RARB: variants seen among roughly 807,000 people sequenced by gnomAD.
RARB encodes HBV-activated protein.
A neutral mutation model predicts 51.9 loss-of-function variants in RARB; 17 were observed. The observed-to-expected ratio is 0.33, with a 90% CI of 0.22 to 0.49. The LOEUF (loss-of-function observed/expected upper bound fraction) is 0.49, where lower values mean the gene tolerates loss of function less well. Ranked by LOEUF, RARB falls within the 20% of genes least tolerant of loss-of-function variation. The pLI is 0.99. For missense variants in RARB, 369 were observed against 550.8 expected, an observed-to-expected ratio of 0.67 and a Z score of 3.30; for synonymous variants, 215 against 195.4, an observed-to-expected ratio of 1.10 and a Z score of -0.84.
At chr3:25,019,766 A>C (rs1184410952) in intron 2 of RARB, among the ~76,000 whole-genome samples, 1 of 152,178 alleles carries the variant, frequency 6.6e-6, no homozygotes, top group Non-Finnish European at 1.5e-5. Context: ...GATAAACAAC[A>C]GGGTACCCAA....
At chr3:25,152,722 G>A (rs968456257) in intron 4 of RARB, among the ~76,000 whole-genome samples, 1 of 152,054 alleles carries the variant, frequency 6.6e-6, no homozygotes, top group Non-Finnish European at 1.5e-5. Context: ...ACTCTACATA[G>A]TTCCTATATT....
intron 5 of RARB, among the ~76,000 whole-genome samples, chr3:25,224,065 T>A (rs1396417133): frequency 6.6e-6 from 1 of 152,168 alleles, no homozygotes; most frequent in African/African-American, 2.4e-5. Flanking sequence ...TGTTAACACT[T>A]GAAGATGATT....
At chr3:24,931,326 T>G (rs1385234111) in intron 2 of RARB, among the ~76,000 whole-genome samples, 8 of 152,212 alleles carry the variant, frequency 5.3e-5, no homozygotes, top group African/African-American at 1.9e-4. Context: ...AAGGCAAAGC[T>G]TACAGTTCTT....
intron 3 of RARB, among the ~76,000 whole-genome samples, chr3:25,508,630 C>T (rs773960861): frequency 6.6e-6 from 1 of 152,088 alleles, no homozygotes; most frequent in Non-Finnish European, 1.5e-5. Flanking sequence ...TTCATTTGTT[C>T]CCGTGTTAGA....
At chr3:25,516,629 G>GTGTTTTTTTTTTTTTTT (rs1559446380) in intron 3 of RARB, among the ~76,000 whole-genome samples, 1 of 122,634 alleles carries the variant, frequency 8.2e-6, no homozygotes, top group African/African-American at 4.7e-5. Flanking sequence ...TTATTTCCTT[G>GTGTTTTTTTTTTTTTTT]TCTTTTTTTT....
chr3:25,252,832 C>T (rs1702761766), intron 5 of RARB, among the ~76,000 whole-genome samples: 1 of 152,156 alleles, frequency 6.6e-6, no homozygotes, highest in Non-Finnish European at 1.5e-5. Context: ...TGATGAAAGC[C>T]CAACACACAA....
intron 1 of RARB, among the ~76,000 whole-genome samples, chr3:24,852,606 T>A (rs530772260): frequency 1.4e-4 from 22 of 152,222 alleles, no homozygotes; most frequent in Admixed American, 1.4e-3. Flanking sequence ...AAAAAATAAA[T>A]GTCCACCGAA....
intron 2 of RARB, among the ~76,000 whole-genome samples, chr3:25,031,290 T>C (rs1697868683): frequency 6.6e-6 from 1 of 152,222 alleles, no homozygotes; most frequent in African/African-American, 2.4e-5. Flanking sequence ...CAGTGTTATT[T>C]AACACACCTA....
At chr3:25,027,048 G>A (rs1461799051) in intron 2 of RARB, among the ~76,000 whole-genome samples, 1 of 147,814 alleles carries the variant, frequency 6.8e-6, no homozygotes, top group Non-Finnish European at 1.5e-5. Context: ...ATTTAACAAT[G>A]GGCTCTCAAG....
intron 5 of RARB, among the ~76,000 whole-genome samples, chr3:25,392,176 T>C (rs951159077): frequency 6.6e-6 from 1 of 152,172 alleles, no homozygotes; most frequent in East Asian, 1.9e-4. Flanking sequence ...TTTTGTTTGC[T>C]TTGTCAAAGA....
intron 5 of RARB, among the ~76,000 whole-genome samples, chr3:25,381,450 A>C (rs1433956738): frequency 6.6e-6 from 1 of 152,202 alleles, no homozygotes; most frequent in African/African-American, 2.4e-5. Context: ...ACATTTGTCA[A>C]ATAAAGATAA....
At chr3:25,548,300 C>CAT (rs1699702562) in intron 3 of RARB, among the ~76,000 whole-genome samples, 1 of 152,072 alleles carries the variant, frequency 6.6e-6, no homozygotes, top group Admixed American at 6.5e-5. Context: ...TTATTACACT[C>CAT]AAATGGATAC....
At chr3:25,121,087 T>C (rs1699776948) in intron 3 of RARB, among the ~76,000 whole-genome samples, 1 of 152,104 alleles carries the variant, frequency 6.6e-6, no homozygotes, top group African/African-American at 2.4e-5. Context: ...TGCATGTGTA[T>C]AAAGTGGTGG....
intron 2 of RARB, among the ~76,000 whole-genome samples, chr3:24,905,190 C>G (rs1694832396): frequency 6.6e-6 from 1 of 152,150 alleles, no homozygotes. Context: ...GAATCTGTGA[C>G]TCATTTATTT....
upstream of RARB, among the ~76,000 whole-genome samples, chr3:25,427,787 G>A (rs921749717): frequency 1.2e-4 from 18 of 152,178 alleles, no homozygotes; most frequent in South Asian, 2.1e-3. Flanking sequence ...GGGCTTGCAT[G>A]TGCTTTTTCT....
chr3:24,982,353 A>T (rs1428342325), intron 2 of RARB, among the ~76,000 whole-genome samples: 1 of 152,190 alleles, frequency 6.6e-6, no homozygotes, highest in African/African-American at 2.4e-5. Flanking sequence ...ATCTTTTCTC[A>T]GAGTGTAAGA....
chr3:25,230,989 A>G (rs2125390192), intron 5 of RARB, among the ~76,000 whole-genome samples: 1 of 152,302 alleles, frequency 6.6e-6, no homozygotes, highest in Middle Eastern at 3.4e-3. Context: ...AATACACTGA[A>G]CAAAAACTAT....
intron 3 of RARB, among the ~76,000 whole-genome samples, chr3:25,068,203 A>T (rs1344862046): frequency 6.9e-6 from 1 of 144,874 alleles, no homozygotes; most frequent in Admixed American, 7.1e-5. Flanking sequence ...TCAACAGTCA[A>T]AAAATCTGTC....
intron 2 of RARB, among the ~76,000 whole-genome samples, chr3:25,013,676 G>C (rs1488047512): frequency 2.6e-5 from 4 of 152,052 alleles, no homozygotes; most frequent in Non-Finnish European, 4.4e-5. Flanking sequence ...CCTACACCCT[G>C]AAGATAGCTT....
Sources: allele counts gnomAD v4.1 joint callset (sites outside exome capture counted in the v4.1 genomes callset), GRCh38; gene constraint gnomAD v4.1.1; transcripts MANE v1.5; gene names NCBI Gene and HGNC (gene_info 2026-07-23, HGNC 2026-07-21).